TEX14: variants seen among roughly 807,000 people sequenced by gnomAD.
The protein encoded by TEX14 is inactive serine/threonine-protein kinase TEX14.
In TEX14, 168 loss-of-function variants were observed where a neutral mutation model predicts 178.6. The ratio of observed to expected loss-of-function variants is 0.94; its 90% CI spans 0.83 to 1.07. The LOEUF is 1.07. TEX14 is among the 50% of genes least tolerant of loss of function. TEX14 has a pLI of 0.00. For synonymous variants in TEX14, 626 were observed against 634.1 expected, an observed-to-expected ratio of 0.99 and a Z score of 0.19; for missense variants, 1,730 against 1,753.6, an observed-to-expected ratio of 0.99 and a Z score of 0.24.
chr17:58,576,870 G>A (rs2044690542), intron 21 of TEX14, among the ~76,000 whole-genome samples: 2 of 152,104 alleles, frequency 1.3e-5, no homozygotes, highest in Non-Finnish European at 2.9e-5. Context: ...TCTTTTTACT[G>A]CTGAGTAGCA....
intron 19 of TEX14, chr17:58,581,466 C>G (rs188259775): frequency 3.5e-6 from 3 of 855,172 alleles, no homozygotes; most frequent in Admixed American, 5.4e-5. Flanking sequence ...TGCATGGGTT[C>G]ATATCACACT....
intron 2 of TEX14, among the ~76,000 whole-genome samples, chr17:58,634,648 G>A (rs1303092270): frequency 1.3e-5 from 2 of 152,144 alleles, no homozygotes; most frequent in South Asian, 2.1e-4. Context: ...CCTAAGAGTA[G>A]AGAAGAGCAG....
chr17:58,569,368 T>C lies in TEX14; in HGVS notation c.3818-108A>G. The C allele has an allele frequency of 2.5e-6, 2 of 788,486 alleles. No individual in the cohort carries two copies. The highest frequency in any genetic ancestry group is 4.2e-6 in the Non-Finnish European group (2 of 471,822). The allele number at this position is 788,486 out of a possible 1,614,324, so 48.8% of individuals were successfully genotyped here. A position where few individuals can be genotyped will look rare whatever the true frequency, so the allele number is the denominator to read the frequency against. ...CTTGACTGAGGATTTCTCTCAATGA[T>C]GAAACAAACTAAGGAGGAAGGAAGC... On this transcript the variant is annotated intron_variant, in intron 25 of 31. Transcript: ENST00000349033. This position sits in a 1 kb window ranked among gnomAD's most constrained non-coding sequence, Gnocchi z 4.1.
At chr17:58,690,484 C>T (rs1238897381) in intron 1 of TEX14, among the ~76,000 whole-genome samples, 1 of 152,106 alleles carries the variant, frequency 6.6e-6, no homozygotes, top group Non-Finnish European at 1.5e-5. Context: ...TTTGAACTTT[C>T]CACTGTCAAC....
At chr17:58,626,317 G>C (rs1598397664) in intron 3 of TEX14, among the ~76,000 whole-genome samples, 1 of 152,060 alleles carries the variant, frequency 6.6e-6, no homozygotes, top group Non-Finnish European at 1.5e-5. Flanking sequence ...TGTAATCCTA[G>C]CACATCGGGA....
chr17:58,561,350 G>A (rs2044268548), intron 29 of TEX14, among the ~76,000 whole-genome samples, 170 bp downstream of exon 29: 1 of 152,222 alleles, frequency 6.6e-6, no homozygotes, highest in Non-Finnish European at 1.5e-5. Context: ...CTTGAGTACT[G>A]TGGGTGGTCA....
At chr17:58,573,492 A>G (rs1376362150) in intron 22 of TEX14, among the ~76,000 whole-genome samples, 184 bp from the exon 23 acceptor site, 4 of 152,206 alleles carry the variant, frequency 2.6e-5, no homozygotes, top group Non-Finnish European at 5.9e-5. Flanking sequence ...CATATTTAAA[A>G]GAGATTGTAA....
At chr17:58,683,846 C>T (rs1413490366) in intron 1 of TEX14, among the ~76,000 whole-genome samples, 2 of 151,544 alleles carry the variant, frequency 1.3e-5, no homozygotes, top group African/African-American at 4.8e-5. Context: ...GCGGGCGGAT[C>T]ACAAGGTCAA....
intron 6 of TEX14, 49 bp from the exon 7 acceptor site, chr17:58,616,354 A>G: frequency 1.3e-6 from 2 of 1,592,878 alleles, no homozygotes; most frequent in South Asian, 2.3e-5. Flanking sequence ...GGGGAAAAGC[A>G]GAATACATCC....
At chr17:58,639,624 C>G (rs961847415) in intron 2 of TEX14, among the ~76,000 whole-genome samples, 1 of 152,038 alleles carries the variant, frequency 6.6e-6, no homozygotes, top group African/African-American at 2.4e-5. Flanking sequence ...CGCTTGAACC[C>G]GGGAGGCGGA....
At chr17:58,623,945 G>C (rs1424649372) in intron 3 of TEX14, among the ~76,000 whole-genome samples, 1 of 152,136 alleles carries the variant, frequency 6.6e-6, no homozygotes, top group Non-Finnish European at 1.5e-5. Context: ...ACAAGTTTTT[G>C]TATCCTTCTG....
At chr17:58,690,323 T>C (rs565770320) in intron 1 of TEX14, among the ~76,000 whole-genome samples, 2 of 152,154 alleles carry the variant, frequency 1.3e-5, no homozygotes, top group South Asian at 2.1e-4. Flanking sequence ...TGTACCACCA[T>C]GCTGGCTAAT....
intron 1 of TEX14, among the ~76,000 whole-genome samples, chr17:58,676,123 C>T (rs1480694217): frequency 6.6e-6 from 1 of 152,108 alleles, no homozygotes; most frequent in Non-Finnish European, 1.5e-5. Flanking sequence ...CGCCTGTGAT[C>T]CCAGCACTTT....
chr17:58,662,415 T>TCTCACACACACA (rs376916506), intron 1 of TEX14, among the ~76,000 whole-genome samples: 1 of 114,888 alleles, frequency 8.7e-6, no homozygotes, highest in Admixed American at 8.4e-5. Flanking sequence ...CACACATATC[T>TCTCACACACACA]CACACACACA....
intron 29 of TEX14, among the ~76,000 whole-genome samples, chr17:58,560,269 C>T (rs2013166): frequency 0.19 from 28,172 of 152,024 alleles, 2,786 homozygotes; most frequent in Non-Finnish European, 0.21. Flanking sequence ...AAACAAAATA[C>T]GTAAAATGAG....
In TEX14 at chr17:58,682,899, TGAG is replaced by T. The variant is rs375781127; in HGVS notation, c.-2+9037_-2+9039del. 5.0e-3 allele frequency among the ~76,000 whole-genome samples: 754 copies of T among 152,042 alleles called. 4 individuals are homozygous for T. The highest frequency in any genetic ancestry group is 0.018 in the African/African-American group (729 of 41,506). ...AGGTCCTGCATACCTTAATATCCTT[TGAG>T]AAGAGCCTCATTTCTTTGATTAGAA... On this transcript the variant is annotated intron_variant, in intron 1 of 31. Transcript: ENST00000349033.
rs529899022 is a variant in TEX14 at position 58,557,432 on chromosome 17, G to A, written c.4319+367C>T. Among the ~76,000 whole-genome samples the A allele has an allele frequency of 5.9e-5, 9 of 152,046 alleles. 1 individual carries two copies. The highest frequency in any genetic ancestry group is 1.3e-4 in the Admixed American group (2 of 15,244). On this transcript the variant is annotated intron_variant, in intron 31 of 31. Transcript: ENST00000349033. ...ATTACAGGTGCCTGCCACCATGCCC[G>A]GCTAATTTTTGTATTTTTAGTAGAG...
At chr17:58,665,918 G>C (rs1301387740) in intron 1 of TEX14, among the ~76,000 whole-genome samples, 1 of 151,442 alleles carries the variant, frequency 6.6e-6, no homozygotes, top group Non-Finnish European at 1.5e-5. Context: ...GTGGTGGCGG[G>C]TGCCTGTATT....
At position 58,560,699 on chromosome 17, in the gene TEX14, A is replaced by G. The variant is rs2044256134; in HGVS notation, c.4157+821T>C. 1.3e-5 allele frequency among the ~76,000 whole-genome samples: 2 copies of G among 152,112 alleles called. 1 individual carries two copies. Among genetic ancestry groups the G allele is most frequent in the South Asian group, 4.1e-4 (2 of 4,830 alleles). On this transcript the variant is annotated intron_variant, in intron 29 of 31. Coordinates refer to ENST00000349033, the MANE Select transcript of TEX14 (RefSeq NM_031272.5). ...CCTCTCAGCTCCTTCAGCTGTTCTC[A>G]TATGACATGGTTTCCAGACCTCTGA...
Sources: gnomAD v4.1 joint callset for allele counts (sites outside exome capture counted in the v4.1 genomes callset) on GRCh38, gnomAD v4.1.1 for gene constraint, Gnocchi (gnomAD v3.1) non-coding constraint, MANE v1.5 for transcripts, NCBI Gene and HGNC (gene_info 2026-07-23, HGNC 2026-07-21) for gene names.